PLSCR1: variants seen among roughly 807,000 people sequenced by gnomAD.
The protein encoded by PLSCR1 is PL scramblase 1.
A neutral mutation model predicts 37.8 loss-of-function variants in PLSCR1; 17 were observed. The observed-to-expected ratio is 0.45, with a 90% CI of 0.31 to 0.68. The LOEUF is 0.68. Among genes scored for constraint, PLSCR1 ranks in the 30% least tolerant of loss-of-function variants. PLSCR1 has a pLI of 0.06. For synonymous variants in PLSCR1, 116 were observed against 125.9 expected (o/e 0.92, Z 0.53); for missense variants, 347 against 380.9 (o/e 0.91, Z 0.74).
intron 5 of PLSCR1, among the ~76,000 whole-genome samples, chr3:146,523,645 C>T (rs1026800392): frequency 5.3e-5 from 8 of 152,168 alleles, no homozygotes; most frequent in Admixed American, 1.3e-4. Context: ...ATTAGACAAA[C>T]GTGTTCGGCA....
At chr3:146,522,741 A>G (rs2044044507) in intron 5 of PLSCR1, among the ~76,000 whole-genome samples, 1 of 152,256 alleles carries the variant, frequency 6.6e-6, no homozygotes, top group South Asian at 2.1e-4. Flanking sequence ...CAGTTGAGAT[A>G]AGAGGAAGGT....
At chr3:146,522,376 A>C (rs1030073151) in intron 5 of PLSCR1, among the ~76,000 whole-genome samples, 1 of 152,106 alleles carries the variant, frequency 6.6e-6, no homozygotes, top group Non-Finnish European at 1.5e-5. Flanking sequence ...AGATGCTGTT[A>C]ATCTGTAACC....
Position 146,528,701 on chromosome 3 carries a change from A to T in PLSCR1, c.225T>A (p.Asn75Lys). ...GTACCCCTGCAGCTCCAACTGGCTG[A>T]TTATATACTGGCTGATTATACACTG... ...NQPVYNQPVYNQPVGAAGVPW... is the reference protein window; with the variant it reads ...NQPVYNQPVYKQPVGAAGVPW... The change falls in exon 4 of 9, where the codon AAT becomes AAA. Residue 75 changes from asparagine to lysine, a missense_variant. Coordinates refer to ENST00000342435, the MANE Select transcript of PLSCR1 (RefSeq NM_021105.3). 2 of 1,606,008 alleles carry T rather than the reference A, an allele frequency of 1.2e-6. No homozygotes were observed. Among genetic ancestry groups the T allele is most frequent in the Non-Finnish European group, 1.7e-6 (2 of 1,172,578 alleles).
intron 3 of PLSCR1, among the ~76,000 whole-genome samples, chr3:146,529,940 A>T (rs1028088944): frequency 2.6e-5 from 4 of 152,186 alleles, no homozygotes; most frequent in African/African-American, 9.7e-5. Context: ...TTCTATTATA[A>T]TATTTAGGTT....
Position 146,515,316 on chromosome 3 carries a change from T to C in PLSCR1, c.*729A>G, listed in dbSNP as rs1467710109. ...CTCAATTACCATTTTCTAGGAAGGA[T>C]AGAGTGTAAGAGCTAAACATTTCAT... On this transcript the variant is annotated 3_prime_UTR_variant, in exon 9 of 9. Coordinates refer to ENST00000342435, the MANE Select transcript of PLSCR1 (RefSeq NM_021105.3). 6.6e-6 allele frequency: 1 copy of C among 152,186 alleles called. No homozygotes were observed. Among genetic ancestry groups the C allele is most frequent in the Non-Finnish European group, 1.5e-5 (1 of 68,038 alleles). The allele number at this position is 152,186 out of a possible 1,614,324, so 9.4% of individuals were successfully genotyped here.
chr3:146,516,141 C>A, intron 8 of PLSCR1, 40 bp from the exon 9 acceptor site: 1 of 1,262,066 alleles, frequency 7.9e-7, no homozygotes, highest in Non-Finnish European at 1.1e-6. Flanking sequence ...TTTTCAACAA[C>A]AAAACAGAGA....
chr3:146,542,579 G>T (rs1306687350), intron 1 of PLSCR1, among the ~76,000 whole-genome samples: 1 of 152,098 alleles, frequency 6.6e-6, no homozygotes, highest in Non-Finnish European at 1.5e-5. Context: ...CAAGTCTCAG[G>T]TATTCTTTTA....
chr3:146,528,253 T>C (rs2044146553), intron 4 of PLSCR1: 1 of 254,498 alleles, frequency 3.9e-6, no homozygotes, highest in South Asian at 4.6e-5. Flanking sequence ...ATATAACCTC[T>C]CTGGACCTCA....
At chr3:146,522,598 C>CAGA (rs2044041302) in intron 5 of PLSCR1, among the ~76,000 whole-genome samples, 1 of 152,148 alleles carries the variant, frequency 6.6e-6, no homozygotes, top group African/African-American at 2.4e-5. Context: ...AGGTATTGTC[C>CAGA]AAGGTTTCTC....
chr3:146,517,024 A>C lies in PLSCR1; in HGVS notation c.882T>G (p.Ile294Met). 2 of 1,596,612 alleles carry C rather than the reference A, an allele frequency of 1.3e-6. No individual in the cohort carries two copies. The highest frequency in any genetic ancestry group is 2.3e-5 in the South Asian group (2 of 88,122). ...GACTTACAATGAGGAAACAGGCACC[A>C]ATCATTACAGCTTTCATTTTAACAT... ...DLDVKMKAVM[I>M]GACFLIDFMF... Residue 294 changes from isoleucine (I) to methionine (M), a missense_variant, in exon 8 of 9, where the codon ATT becomes ATG. By Grantham distance (10) the Ile-to-Met change is conservative. Coordinates refer to ENST00000342435, the MANE Select transcript of PLSCR1 (RefSeq NM_021105.3).
chr3:146,539,031 C>T (rs868033915), intron 1 of PLSCR1, among the ~76,000 whole-genome samples: 14 of 152,062 alleles, frequency 9.2e-5, no homozygotes, highest in South Asian at 6.2e-4. Flanking sequence ...ATGATTCAAG[C>T]GCATTACATT....
chr3:146,533,398 C>A, intron 3 of PLSCR1, 72 bp downstream of exon 3: 1 of 738,202 alleles, frequency 1.4e-6, no homozygotes, highest in Non-Finnish European at 2.3e-6. Flanking sequence ...CTTACTCTCT[C>A]TCTCCCACTC....
intron 3 of PLSCR1, among the ~76,000 whole-genome samples, chr3:146,529,436 C>T (rs1393889824): frequency 1.3e-5 from 2 of 152,020 alleles, no homozygotes; most frequent in Non-Finnish European, 2.9e-5. Context: ...CAGAACAGCT[C>T]CCTAAAAATG....
rs1341220288 is a variant in PLSCR1 at position 146,521,963 on chromosome 3, C to G, written c.446G>C (p.Cys149Ser). ...AGATGGCCCACAGCAATTTCGGGTA[C>G]AGCAATCAGTATCTTCCGCTGCAAA... Reference protein sequence around the residue: ...VYFAAEDTDCCTRNCCGPSRP... With the variant: ...VYFAAEDTDCSTRNCCGPSRP... Residue 149 changes from cysteine (C) to serine (S), a missense_variant, in exon 6 of 9, where the codon TGT becomes TCT. Physicochemically the swap from Cys to Ser is moderately radical, Grantham distance 112 (BLOSUM62 -1). Coordinates refer to ENST00000342435, the MANE Select transcript of PLSCR1 (RefSeq NM_021105.3). The G allele has an allele frequency of 6.2e-7, 1 of 1,612,448 alleles. No individual in the cohort carries two copies.
intron 1 of PLSCR1, among the ~76,000 whole-genome samples, chr3:146,541,561 G>A (rs1316392170): frequency 6.6e-6 from 1 of 152,142 alleles, no homozygotes; most frequent in Non-Finnish European, 1.5e-5. Context: ...TTGCACCGAT[G>A]TCTCTAATTC....
chr3:146,541,527 A>C (rs926119655), intron 1 of PLSCR1, among the ~76,000 whole-genome samples: 10 of 152,244 alleles, frequency 6.6e-5, no homozygotes, highest in African/African-American at 1.7e-4. Flanking sequence ...TAGCTGAATT[A>C]AGATGATTAA....
rs759138940 is a variant in PLSCR1, at chr3:146,515,465, A to G, written c.*580T>C. On this transcript the variant is annotated 3_prime_UTR_variant, in exon 9 of 9. Coordinates refer to ENST00000342435, the MANE Select transcript of PLSCR1 (RefSeq NM_021105.3). ...ACTAACAATAATTTGAAAATTGGTA[A>G]TTTAATATCTTGTGAATATGAAAAT... 9.2e-5 allele frequency: 14 copies of G among 152,038 alleles called. No homozygotes were observed. The highest frequency in any genetic ancestry group is 1.5e-4 in the Non-Finnish European group (10 of 67,974). The allele number at this position is 152,038 out of a possible 1,614,324, so 9.4% of individuals were successfully genotyped here. A position where few individuals can be genotyped will look rare whatever the true frequency, so the allele number is the denominator to read the frequency against.
At chr3:146,532,449 A>T (rs1379923498) in intron 3 of PLSCR1, among the ~76,000 whole-genome samples, 1 of 152,150 alleles carries the variant, frequency 6.6e-6, no homozygotes, top group African/African-American at 2.4e-5. Context: ...ACTATTTTTA[A>T]GTGCTTCTGG....
At chr3:146,518,237 G>T (rs1310813613) in intron 7 of PLSCR1, among the ~76,000 whole-genome samples, 1 of 152,124 alleles carries the variant, frequency 6.6e-6, no homozygotes, top group Non-Finnish European at 1.5e-5. Context: ...TAAGTGCTTT[G>T]GCCTGGCTTA....
Sources: gnomAD v4.1 joint callset for allele counts (sites outside exome capture counted in the v4.1 genomes callset) on GRCh38, gnomAD v4.1.1 for gene constraint, MANE v1.5 for transcripts, NCBI Gene and HGNC (gene_info 2026-07-23, HGNC 2026-07-21) for gene names.